ANLN: variants seen among roughly 807,000 people sequenced by gnomAD.
The protein encoded by ANLN is anillin, actin binding protein, also known as anillin.
A neutral mutation model predicts 135.1 loss-of-function variants in ANLN; 59 were observed. The observed-to-expected ratio is 0.44, with a 90% CI of 0.35 to 0.54. The LOEUF is 0.54. ANLN is among the 20% of genes least tolerant of loss of function. ANLN has a pLI of 0.00. For synonymous variants in ANLN, 406 were observed against 456.4 expected (o/e 0.89, Z 1.41); for missense variants, 1,182 against 1,340.0 (o/e 0.88, Z 1.84).
At chr7:36,424,422 A>G (rs1347334354) in intron 15 of ANLN, 123 bp from the exon 16 acceptor site, 1 of 714,730 alleles carries the variant, frequency 1.4e-6, no homozygotes, top group Non-Finnish European at 2.1e-6. Flanking sequence ...AACAATTTTT[A>G]TTGACTTTAA....
chr7:36,398,312 C>T lies in ANLN; in HGVS notation c.173-767C>T, dbSNP rs1279001815. Among the ~76,000 whole-genome samples the T allele has an allele frequency of 2.0e-5, 3 of 152,002 alleles. No homozygotes were observed. The South Asian group carries it at 6.2e-4, about 32-fold the overall frequency. The stretch of plus-strand genomic sequence containing the variant: ...TTCAGTCACTTTTTCTGTCTCCTGT[C>T]GTAATCCTAAACCTCAAGCCAATTG... On this transcript the variant is annotated intron_variant, in intron 2 of 23. Transcript: ENST00000265748.
intron 2 of ANLN, among the ~76,000 whole-genome samples, chr7:36,396,721 T>C (rs900424464): frequency 3.3e-5 from 5 of 152,224 alleles, no homozygotes; most frequent in Admixed American, 6.5e-5. Flanking sequence ...AGGGTAACAT[T>C]TATACTTACA....
Position 36,443,746 on chromosome 7 carries a change from C to A in ANLN, c.2971-9C>A. 1 of 1,600,706 alleles carries A rather than the reference C, an allele frequency of 6.2e-7. No homozygotes were observed. Among genetic ancestry groups the A allele is most frequent in the East Asian group, 2.2e-5 (1 of 44,776 alleles). The stretch of plus-strand genomic sequence containing the variant: ...TTTCTAAAGCCAGCATTTCAACTGA[C>A]TTTTCCAGACCATATTTGAAGATGT... On this transcript the variant is annotated splice_polypyrimidine_tract_variant and intron_variant, in intron 21 of 23. Coordinates refer to ENST00000265748, the MANE Select transcript of ANLN (RefSeq NM_018685.5).
chr7:36,393,090 C>A (rs1041321657), intron 1 of ANLN, among the ~76,000 whole-genome samples: 4 of 151,260 alleles, frequency 2.6e-5, no homozygotes, highest in Non-Finnish European at 5.9e-5. Flanking sequence ...ATGGTGCGAT[C>A]TTGGCTCGGT....
chr7:36,448,573 A>G (rs1409044924), intron 22 of ANLN, among the ~76,000 whole-genome samples: 1 of 152,182 alleles, frequency 6.6e-6, no homozygotes, highest in Non-Finnish European at 1.5e-5. Context: ...CTAGCTTACT[A>G]TTCTTCATTC....
chr7:36,425,936 G>A, intron 18 of ANLN, 79 bp from the exon 19 acceptor site: 1 of 1,253,106 alleles, frequency 8.0e-7, no homozygotes, highest in Non-Finnish European at 1.1e-6. Context: ...AAAGAGATGA[G>A]TGATTCATAT....
intron 9 of ANLN, 35 bp from the exon 10 acceptor site, chr7:36,419,209 G>T: frequency 6.9e-7 from 1 of 1,449,546 alleles, no homozygotes; most frequent in South Asian, 1.2e-5. Flanking sequence ...TTAAATATCT[G>T]AGTCACAGTG....
intron 7 of ANLN, among the ~76,000 whole-genome samples, chr7:36,412,070 G>T (rs1372317557): frequency 6.6e-6 from 1 of 151,706 alleles, no homozygotes; most frequent in African/African-American, 2.4e-5. Flanking sequence ...AAACAATCTG[G>T]AAGTTCTTCC....
intron 22 of ANLN, among the ~76,000 whole-genome samples, 154 bp downstream of exon 22, chr7:36,444,016 G>A (rs149026686): frequency 2.2e-4 from 33 of 152,306 alleles, no homozygotes; most frequent in East Asian, 1.2e-3. Flanking sequence ...TTGGCCAGGC[G>A]CAGTGGCTTA....
chr7:36,410,582 C>T lies in ANLN; in HGVS notation c.1165C>T (p.Pro389Ser), dbSNP rs1787370126. The T allele has an allele frequency of 6.2e-7, 1 of 1,613,912 alleles. No individual in the cohort carries two copies. Among genetic ancestry groups the T allele is most frequent in the South Asian group, 1.1e-5 (1 of 91,082 alleles). ...ERCQEHSKES[P>S]ARSTPHRTPI... is the part of the protein sequence containing the mutation. The stretch of plus-strand genomic sequence containing the variant: ...TTGTCAAGAACATAGCAAAGAAAGT[C>T]CAGCTCGTAGCACACCCCACAGAAC... The change falls in exon 6 of 24, where the codon CCA becomes TCA. Residue 389 changes from proline to serine, a missense_variant. Coordinates refer to ENST00000265748, the MANE Select transcript of ANLN (RefSeq NM_018685.5).
intron 3 of ANLN, among the ~76,000 whole-genome samples, chr7:36,399,765 G>T (rs1458407672): frequency 6.6e-6 from 1 of 152,130 alleles, no homozygotes; most frequent in East Asian, 1.9e-4. Flanking sequence ...AGGGACTAAG[G>T]TATGCAATGC....
chr7:36,432,747 C>G (rs1200293949), intron 20 of ANLN, among the ~76,000 whole-genome samples: 2 of 151,938 alleles, frequency 1.3e-5, no homozygotes, highest in African/African-American at 4.8e-5. Context: ...TTTTAATCTC[C>G]TCTTTTGGAT....
rs1583633003 is a variant in ANLN, at chr7:36,426,104, T to C, written c.2770+68T>C. 32 of 1,121,026 alleles carry C rather than the reference T, an allele frequency of 2.9e-5. No individual in the cohort carries two copies. The South Asian group carries it at 3.4e-4, about 12-fold the overall frequency. The allele number at this position is 1,121,026 out of a possible 1,614,324, so 69.4% of individuals were successfully genotyped here. ...GGAATTAAGCACTTGCATATTTACA[T>C]ATATATAGGCCATCTTGATTTGTGA... is the stretch of plus-strand genomic sequence containing the variant. On this transcript the variant is annotated intron_variant, in intron 19 of 23. Transcript: ENST00000265748.
At chr7:36,416,511 C>T (rs1246617623) in intron 8 of ANLN, among the ~76,000 whole-genome samples, 2 of 152,170 alleles carry the variant, frequency 1.3e-5, no homozygotes, top group Admixed American at 6.5e-5. Context: ...TAATCCTTCA[C>T]TGTTGAGTGT....
rs1334280113 is a variant in ANLN at position 36,406,519 on chromosome 7, A to G, written c.826A>G (p.Ser276Gly). 12 of 1,549,060 alleles carry G rather than the reference A, an allele frequency of 7.7e-6. No homozygotes were observed. The highest frequency in any genetic ancestry group is 1.0e-5 in the Non-Finnish European group (12 of 1,144,408). ...DASLNKALSS[S>G]ADDASLVNAS... ...CTCTTTGAATAAAGCCCTATCCTCA[A>G]GTGCTGATGATGCGTCTTTGGTTAA... The change falls in exon 4 of 24, where the codon AGT becomes GGT. Residue 276 changes from serine to glycine, a missense_variant. Physicochemically the swap from Ser to Gly is moderately conservative, Grantham distance 56. Around this residue, in one of 3 missense-constraint regions of ANLN, gnomAD observed 1,022 missense variants for 1,134.0 expected, o/e 0.90. Coordinates refer to ENST00000265748, the MANE Select transcript of ANLN (RefSeq NM_018685.5).
chr7:36,436,233 C>T (rs1197591222), intron 20 of ANLN, among the ~76,000 whole-genome samples: 1 of 152,064 alleles, frequency 6.6e-6, no homozygotes, highest in Non-Finnish European at 1.5e-5. Flanking sequence ...CTTTTTATGT[C>T]TGGCTTATTT....
rs538995013 is a variant in ANLN at position 36,452,981 on chromosome 7, C to G, written c.*381C>G. 1 of 158,466 alleles carries G rather than the reference C, an allele frequency of 6.3e-6. No homozygotes were observed. The highest frequency in any genetic ancestry group is 2.4e-5 in the African/African-American group (1 of 41,632). The allele number at this position is 158,466 out of a possible 1,614,324, so 9.8% of individuals were successfully genotyped here. A position where few individuals can be genotyped will look rare whatever the true frequency, so the allele number is the denominator to read the frequency against. The stretch of plus-strand genomic sequence containing the variant: ...GGGGTTGGAGACAGAAACCCATTCT[C>G]CAATCTCAGTAGTTTTTTCGAAAGG... On this transcript the variant is annotated 3_prime_UTR_variant, in exon 24 of 24. Coordinates refer to ENST00000265748, the MANE Select transcript of ANLN (RefSeq NM_018685.5).
intron 21 of ANLN, among the ~76,000 whole-genome samples, chr7:36,441,872 C>A (rs184158534): frequency 6.6e-6 from 1 of 152,142 alleles, no homozygotes; most frequent in South Asian, 2.1e-4. Flanking sequence ...ATTGAAATAA[C>A]GACATTCCTT....
rs775760798 is a variant in ANLN at position 36,420,727 on chromosome 7, A to G, written c.2146A>G (p.Ile716Val). 5.6e-6 allele frequency: 9 copies of G among 1,613,880 alleles called. No homozygotes were observed. Among genetic ancestry groups the G allele is most frequent in the African/African-American group, 1.3e-5 (1 of 74,922 alleles). Residue 716 changes from isoleucine (I) to valine (V), a missense_variant, in exon 12 of 24, where the codon ATC becomes GTC. Physicochemically the swap from Ile to Val is conservative, Grantham distance 29. Transcript: ENST00000265748. ...TAATGCCTTTCCTTGTCAAGTTAAT[A>G]TCAAACAGAAAATGCAGGTATGTAC... The part of the protein sequence containing the change: ...KNNAFPCQVN[I>V]KQKMQELNNE...
Sources: gnomAD v4.1 joint callset for allele counts (sites outside exome capture counted in the v4.1 genomes callset) on GRCh38, gnomAD v4.1.1 for gene constraint, gnomAD v4.1.1 regional missense constraint, MANE v1.5 for transcripts, NCBI Gene and HGNC (gene_info 2026-07-23, HGNC 2026-07-21) for gene names.